Variants in CEP63 observed in about 807,000 individuals in gnomAD.
The protein encoded by CEP63 is centrosomal protein 63.
Under a neutral mutation model 89.1 loss-of-function variants are expected in CEP63, and 84 were observed. The ratio of observed to expected loss-of-function variants is 0.94; its 90% confidence interval spans 0.79 to 1.13. CEP63 has a LOEUF of 1.13. CEP63 is among the 50% of genes most tolerant of loss of function. CEP63 has a pLI of 0.00. For synonymous variants in CEP63, 267 were observed against 272.5 expected, an observed-to-expected ratio of 0.98 and a Z score of 0.20; for missense variants, 838 against 813.3, an observed-to-expected ratio of 1.03 and a Z score of -0.37.
the CEP63 span, among the ~76,000 whole-genome samples, chr3:134,631,704 C>A: frequency 2.6e-5 from 4 of 151,588 alleles, no homozygotes; most frequent in Non-Finnish European, 5.9e-5. Context: ...ACAAAAATAG[C>A]TATTATGGAG....
At chr3:134,499,651 G>T (rs1941349378) in intron 2 of CEP63, among the ~76,000 whole-genome samples, 1 of 151,958 alleles carries the variant, frequency 6.6e-6, no homozygotes, top group Admixed American at 6.6e-5. Flanking sequence ...AGGGGTACAT[G>T]TGCTGGTTTG....
the CEP63 span, among the ~76,000 whole-genome samples, chr3:134,710,885 C>T: frequency 6.6e-6 from 1 of 151,988 alleles, no homozygotes; most frequent in African/African-American, 2.4e-5. Context: ...CCATGCCAGG[C>T]TAATTTTTTG....
the CEP63 span, among the ~76,000 whole-genome samples, chr3:134,670,797 A>G: frequency 6.6e-6 from 1 of 152,242 alleles, no homozygotes; most frequent in African/African-American, 2.4e-5. Flanking sequence ...GAGGTATTGT[A>G]TAAATCATGG....
the CEP63 span, among the ~76,000 whole-genome samples, chr3:134,652,682 G>A: frequency 6.6e-6 from 1 of 152,032 alleles, no homozygotes; most frequent in Admixed American, 6.5e-5. Context: ...CTGGGAGGCT[G>A]GCTAACACTT....
At chr3:134,513,661 T>C (rs1945521352) in intron 3 of CEP63, among the ~76,000 whole-genome samples, 1 of 152,020 alleles carries the variant, frequency 6.6e-6, no homozygotes, top group Non-Finnish European at 1.5e-5. Context: ...TTTAAGGGGC[T>C]AGGGGTCCAT....
chr3:134,683,683 T>A, the CEP63 span, among the ~76,000 whole-genome samples: 2 of 151,998 alleles, frequency 1.3e-5, no homozygotes, highest in Non-Finnish European at 2.9e-5. Flanking sequence ...CAGGACTCAG[T>A]CTGCCTCTCA....
At chr3:134,574,654 C>CT (rs1958149813) in intron 11 of CEP63, 1 of 402,812 alleles carries the variant, frequency 2.5e-6, no homozygotes, top group Non-Finnish European at 4.4e-6. Context: ...GTCACCCAGG[C>CT]TGGAGTTCAG....
the CEP63 span, chr3:134,610,154 C>G: frequency 6.3e-7 from 1 of 1,581,312 alleles, no homozygotes. Flanking sequence ...TCCTCCACTT[C>G]CACCTGCCAG....
At chr3:134,619,341 G>T in the CEP63 span, 1 of 1,109,594 alleles carries the variant, frequency 9.0e-7, no homozygotes, top group Non-Finnish European at 1.4e-6. Context: ...CCCCAGCTGT[G>T]CTCTGGCCAT....
the CEP63 span, among the ~76,000 whole-genome samples, chr3:134,752,979 A>G: frequency 9.9e-5 from 15 of 152,140 alleles, no homozygotes; most frequent in African/African-American, 3.6e-4. Context: ...AGCCTGGCAG[A>G]AACACAGCTG....
the CEP63 span, among the ~76,000 whole-genome samples, chr3:134,613,404 C>T: frequency 6.6e-6 from 1 of 152,170 alleles, no homozygotes. Context: ...TGCCCCAGCC[C>T]TGGAAAGGAG....
At chr3:134,661,399 T>C in the CEP63 span, among the ~76,000 whole-genome samples, 1 of 152,094 alleles carries the variant, frequency 6.6e-6, no homozygotes, top group African/African-American at 2.4e-5. Flanking sequence ...CCCTCCCCCA[T>C]TCCCATCCAA....
At chr3:134,724,814 C>G in the CEP63 span, among the ~76,000 whole-genome samples, 1 of 152,112 alleles carries the variant, frequency 6.6e-6, no homozygotes, top group Non-Finnish European at 1.5e-5. Flanking sequence ...ATTGCAGTTT[C>G]CAAAGCACAA....
chr3:134,618,833 C>T, the CEP63 span, among the ~76,000 whole-genome samples: 2 of 152,212 alleles, frequency 1.3e-5, no homozygotes. Flanking sequence ...CTCCCGCTCC[C>T]AGGCCTGCCA....
the CEP63 span, among the ~76,000 whole-genome samples, chr3:134,742,088 A>G: frequency 6.6e-6 from 1 of 152,088 alleles, no homozygotes; most frequent in Non-Finnish European, 1.5e-5. Flanking sequence ...TAATTGAGAC[A>G]ATAGGAGGCC....
At chr3:134,553,732 A>G (rs968632670) in intron 12 of CEP63, among the ~76,000 whole-genome samples, 1 of 152,218 alleles carries the variant, frequency 6.6e-6, no homozygotes, top group Non-Finnish European at 1.5e-5. Context: ...CAGCTTAGCA[A>G]TATCCATCAA....
chr3:134,582,529 A>G (rs933899649), intron 10 of CEP63, among the ~76,000 whole-genome samples: 3 of 152,224 alleles, frequency 2.0e-5, no homozygotes, highest in African/African-American at 4.8e-5. Flanking sequence ...TTATGGCTGC[A>G]TAGTATTCCA....
At chr3:134,740,266 T>TTTCTTTTA in the CEP63 span, among the ~76,000 whole-genome samples, 6 of 140,860 alleles carry the variant, frequency 4.3e-5, no homozygotes, top group African/African-American at 1.6e-4. Flanking sequence ...TATTCTTTTC[T>TTTCTTTTA]TTTATTTATT....
chr3:134,758,691 T>G, the CEP63 span, among the ~76,000 whole-genome samples: 1 of 152,200 alleles, frequency 6.6e-6, no homozygotes, highest in Non-Finnish European at 1.5e-5. Context: ...TGATCTAAGA[T>G]AGTCACTTCA....
Sources: allele counts gnomAD v4.1 joint callset (sites outside exome capture counted in the v4.1 genomes callset), GRCh38; gene constraint gnomAD v4.1.1; transcripts MANE v1.5; gene names NCBI Gene and HGNC (gene_info 2026-07-23, HGNC 2026-07-21).